Variants in RBMS3 observed in about 807,000 individuals in gnomAD.
The protein encoded by RBMS3 is RNA binding motif single stranded interacting protein 3, also known as RNA-binding motif, single-stranded-interacting protein 3.
A neutral mutation model predicts 66.8 loss-of-function variants in RBMS3; 27 were observed. The observed-to-expected ratio is 0.40, with a 90% CI of 0.30 to 0.56. The LOEUF (loss-of-function observed/expected upper bound fraction) is 0.56, where lower values mean the gene tolerates loss of function less well. Ranked by LOEUF, RBMS3 falls within the 20% of genes least tolerant of loss-of-function variation. The pLI, the probability that RBMS3 is intolerant of heterozygous loss-of-function variation, is 0.40. For missense variants in RBMS3, 513 were observed against 549.5 expected (o/e 0.93, Z 0.66); for synonymous variants, 188 against 183.0 (o/e 1.03, Z -0.22).
At position 29,811,318 on chromosome 3, in the gene RBMS3, CT is replaced by C; in HGVS notation, c.637+48330del. Reference sequence around the variant, plus strand: ...CACCTGTACTGGCTCAGCTACCATCCTGGGGCACGCCTGGAAGCCCACACGG... The same window carrying C: ...CACCTGTACTGGCTCAGCTACCATCCGGGGCACGCCTGGAAGCCCACACGG... On this transcript the variant is annotated intron_variant, in intron 6 of 14. Coordinates refer to ENST00000383767, the MANE Select transcript of RBMS3 (RefSeq NM_001003793.3). 1.3e-5 allele frequency among the ~76,000 whole-genome samples: 2 copies of C among 152,298 alleles called. 1 individual carries two copies. The highest frequency in any genetic ancestry group is 4.1e-4 in the South Asian group (2 of 4,828).
intron 10 of RBMS3, among the ~76,000 whole-genome samples, chr3:29,928,544 C>A (rs896446088): frequency 1.3e-5 from 2 of 151,694 alleles, no homozygotes; most frequent in South Asian, 4.2e-4. Context: ...CCATGGGGGC[C>A]CTGCAAAGCA....
At chr3:29,609,012 C>T (rs1292990262) in intron 4 of RBMS3, among the ~76,000 whole-genome samples, 1 of 151,962 alleles carries the variant, frequency 6.6e-6, no homozygotes, top group Non-Finnish European at 1.5e-5. Context: ...GTGCTTACTT[C>T]TCACTATCTG....
chr3:29,782,026 C>T (rs957098696), intron 6 of RBMS3, among the ~76,000 whole-genome samples: 1 of 39,870 alleles, frequency 2.5e-5, no homozygotes, highest in African/African-American at 7.1e-5. Flanking sequence ...TTATCCCTGC[C>T]CCCCACCTGG....
intron 3 of RBMS3, among the ~76,000 whole-genome samples, chr3:29,526,659 G>C (rs1163293745): frequency 1.4e-5 from 2 of 147,666 alleles, no homozygotes; most frequent in Non-Finnish European, 3.0e-5. Flanking sequence ...CAATAATAGA[G>C]ATGCCACTGG....
intron 4 of RBMS3, among the ~76,000 whole-genome samples, chr3:29,653,887 A>T (rs1271005715): frequency 2.0e-5 from 3 of 152,178 alleles, no homozygotes; most frequent in African/African-American, 7.2e-5. Flanking sequence ...AGAAATTGTT[A>T]GTCCTCAACT....
At chr3:29,665,667 G>A (rs1313895225) in intron 4 of RBMS3, among the ~76,000 whole-genome samples, 7 of 151,966 alleles carry the variant, frequency 4.6e-5, no homozygotes, top group Non-Finnish European at 1.0e-4. Flanking sequence ...ATAACTTACC[G>A]AGAACTCATT....
At chr3:29,658,837 G>A (rs1005422905) in intron 4 of RBMS3, among the ~76,000 whole-genome samples, 1 of 152,150 alleles carries the variant, frequency 6.6e-6, no homozygotes, top group African/African-American at 2.4e-5. Context: ...TTGTGTGTTT[G>A]TTTGAGACGG....
intron 6 of RBMS3, among the ~76,000 whole-genome samples, chr3:29,783,904 A>C (rs1323046142): frequency 6.6e-6 from 1 of 152,168 alleles, no homozygotes; most frequent in Non-Finnish European, 1.5e-5. Flanking sequence ...CTATGCTTAC[A>C]TCAGATGAAA....
At chr3:29,702,559 A>T (rs1440831509) in intron 4 of RBMS3, among the ~76,000 whole-genome samples, 1 of 152,198 alleles carries the variant, frequency 6.6e-6, no homozygotes. Context: ...TTTTGAGTCC[A>T]CACCATCTTT....
intron 3 of RBMS3, among the ~76,000 whole-genome samples, chr3:29,517,269 ATATG>A (rs755703906): frequency 2.2e-4 from 26 of 120,484 alleles, no homozygotes; most frequent in Admixed American, 9.9e-4. Context: ...GTGATTTCAT[ATATG>A]TGTGTGTGTG....
Position 29,680,395 on chromosome 3 carries a change from G to A in RBMS3, c.400-59325G>A, listed in dbSNP as rs1018722767. On this transcript the variant is annotated intron_variant, in intron 4 of 14. Coordinates refer to ENST00000383767, the MANE Select transcript of RBMS3 (RefSeq NM_001003793.3). ...TAGCGAGTTCTAAGCAAAATAGTGC[G>A]TGTTTTTCTCCTCTGAGTAGAGTTT... Among the ~76,000 whole-genome samples, 5 of 152,254 alleles carry A rather than the reference G, an allele frequency of 3.3e-5. No homozygotes were observed. The South Asian group carries it at 6.2e-4, about 19-fold the overall frequency.
intron 4 of RBMS3, among the ~76,000 whole-genome samples, chr3:29,659,275 A>T (rs1436534843): frequency 6.6e-6 from 1 of 152,204 alleles, no homozygotes; most frequent in African/African-American, 2.4e-5. Context: ...TGTATAGTTT[A>T]GTGGTATTAA....
chr3:29,463,285 G>C (rs915502226), intron 2 of RBMS3, among the ~76,000 whole-genome samples: 3 of 152,144 alleles, frequency 2.0e-5, no homozygotes, highest in Non-Finnish European at 4.4e-5. Context: ...TGTAGCTTTA[G>C]ATTAGCAAAT....
chr3:29,747,971 G>A (rs981206136), intron 5 of RBMS3, among the ~76,000 whole-genome samples: 7 of 152,242 alleles, frequency 4.6e-5, no homozygotes, highest in Middle Eastern at 3.4e-3. Context: ...GCCTCTATCA[G>A]GGAGATGACA....
intron 1 of RBMS3, among the ~76,000 whole-genome samples, chr3:29,313,525 G>C (rs572579375): frequency 6.6e-6 from 1 of 151,786 alleles, no homozygotes; most frequent in South Asian, 2.1e-4. Flanking sequence ...ATGGTGACAT[G>C]ATTTATTTGC....
At position 29,639,494 on chromosome 3, in the gene RBMS3, G is replaced by C. The variant is rs144409247; in HGVS notation, c.399+52289G>C. 1.7e-3 allele frequency among the ~76,000 whole-genome samples: 265 copies of C among 151,620 alleles called. 2 individuals are homozygous for C. The highest frequency in any genetic ancestry group is 6.2e-3 in the African/African-American group (255 of 41,394). ...TGAATTTACTTGGCCATTACATTCT[G>C]CTTCCATAGTGTTTGTACTAAGATG... On this transcript the variant is annotated intron_variant, in intron 4 of 14. Transcript: ENST00000383767.
intron 1 of RBMS3, among the ~76,000 whole-genome samples, chr3:29,338,412 A>G (rs1391422589): frequency 6.6e-6 from 1 of 152,192 alleles, no homozygotes; most frequent in African/African-American, 2.4e-5. Flanking sequence ...TGTAAACTAC[A>G]GAATAGAATC....
At position 29,632,724 on chromosome 3, in the gene RBMS3, GA is replaced by G. The variant is rs561715490; in HGVS notation, c.399+45521del. On this transcript the variant is annotated intron_variant, in intron 4 of 14. Transcript: ENST00000383767. ...AAGAACACCAAAAGGTAACTTCTTT[GA>G]ACGAGATTTATGAATGTAGAAAACT... Among the ~76,000 whole-genome samples the G allele has an allele frequency of 4.2e-3, 632 of 151,930 alleles. 5 individuals carry two copies. The highest frequency in any genetic ancestry group is 0.014 in the African/African-American group (581 of 41,498).
At chr3:29,729,640 C>G (rs1196904691) in intron 4 of RBMS3, among the ~76,000 whole-genome samples, 4 of 152,062 alleles carry the variant, frequency 2.6e-5, no homozygotes, top group Non-Finnish European at 4.4e-5. Flanking sequence ...CACATCCTCC[C>G]CAGCATCTGT....
Sources: allele counts gnomAD v4.1 joint callset (sites outside exome capture counted in the v4.1 genomes callset), GRCh38; gene constraint gnomAD v4.1.1; transcripts MANE v1.5; gene names NCBI Gene and HGNC (gene_info 2026-07-23, HGNC 2026-07-21).